Variants in FBXO4 observed in about 807,000 individuals in gnomAD.
FBXO4 encodes F-box protein 4, also known as F-box only protein 4.
FBXO4 carries 36 observed loss-of-function variants against 43.7 expected under a neutral mutation model. The ratio of observed to expected loss-of-function variants is 0.82; its 90% CI spans 0.63 to 1.09. FBXO4 has a LOEUF of 1.09. Ranked by LOEUF, FBXO4 falls within the 50% of genes least tolerant of loss-of-function variation. The pLI is 0.00. For missense variants in FBXO4, 435 were observed against 474.1 expected (o/e 0.92, Z 0.77); for synonymous variants, 180 against 165.6 (o/e 1.09, Z -0.67).
the FBXO4 span, among the ~76,000 whole-genome samples, chr5:41,992,847 T>C: frequency 6.6e-6 from 1 of 152,226 alleles, no homozygotes; most frequent in Non-Finnish European, 1.5e-5. Flanking sequence ...TTATTCTTTC[T>C]ACTGCCAGAT....
chr5:41,989,176 G>C, the FBXO4 span, among the ~76,000 whole-genome samples: 19 of 152,224 alleles, frequency 1.2e-4, no homozygotes, highest in East Asian at 3.7e-3. Context: ...AGAATTTCCA[G>C]TTTGCCTTAG....
chr5:41,931,613 A>C (rs1751689681), intron 3 of FBXO4, among the ~76,000 whole-genome samples: 1 of 152,230 alleles, frequency 6.6e-6, no homozygotes, highest in African/African-American at 2.4e-5. Context: ...CAGGCACATA[A>C]CAGGCACTCT....
chr5:42,005,879 A>G, the FBXO4 span, among the ~76,000 whole-genome samples: 5 of 152,058 alleles, frequency 3.3e-5, no homozygotes, highest in African/African-American at 1.2e-4. Context: ...CTTTAAAAAA[A>G]CCAGTGACCC....
chr5:41,993,560 A>T, the FBXO4 span, among the ~76,000 whole-genome samples: 2 of 151,366 alleles, frequency 1.3e-5, no homozygotes, highest in Non-Finnish European at 2.9e-5. Flanking sequence ...TTCATCCCAT[A>T]TAACTGAAAC....
At chr5:42,033,358 A>G in the FBXO4 span, among the ~76,000 whole-genome samples, 1 of 151,924 alleles carries the variant, frequency 6.6e-6, no homozygotes, top group Non-Finnish European at 1.5e-5. Context: ...CACACAGAAC[A>G]CTGTAGCCCT....
At chr5:41,991,069 G>C in the FBXO4 span, among the ~76,000 whole-genome samples, 1 of 152,156 alleles carries the variant, frequency 6.6e-6, no homozygotes, top group Non-Finnish European at 1.5e-5. Flanking sequence ...ACCATCCTGG[G>C]TGAGTCAACA....
At chr5:41,983,180 C>A in the FBXO4 span, among the ~76,000 whole-genome samples, 2 of 152,052 alleles carry the variant, frequency 1.3e-5, no homozygotes, top group South Asian at 4.1e-4. Context: ...AATAAACATA[C>A]GTGTGCATGT....
the FBXO4 span, among the ~76,000 whole-genome samples, chr5:41,997,764 C>T: frequency 1.3e-5 from 2 of 152,138 alleles, no homozygotes; most frequent in Admixed American, 1.3e-4. Flanking sequence ...TTTCCCTTTC[C>T]CCAGTGTGCA....
At chr5:42,026,792 C>T in the FBXO4 span, among the ~76,000 whole-genome samples, 1 of 151,842 alleles carries the variant, frequency 6.6e-6, no homozygotes, top group Non-Finnish European at 1.5e-5. Context: ...TTTTCACCAT[C>T]ACTTGAAATA....
the FBXO4 span, among the ~76,000 whole-genome samples, chr5:41,989,722 G>T: frequency 6.6e-6 from 1 of 152,074 alleles, no homozygotes; most frequent in Non-Finnish European, 1.5e-5. Context: ...GCTAATTCAA[G>T]AAGTATCATC....
At chr5:42,006,568 A>G in the FBXO4 span, among the ~76,000 whole-genome samples, 11 of 152,004 alleles carry the variant, frequency 7.2e-5, no homozygotes, top group Non-Finnish European at 1.6e-4. Context: ...TACATTTAAA[A>G]AGTCAATTTT....
At chr5:42,018,235 G>GA in the FBXO4 span, among the ~76,000 whole-genome samples, 1 of 150,968 alleles carries the variant, frequency 6.6e-6, no homozygotes, top group Non-Finnish European at 1.5e-5. Context: ...TCTAGGTTGA[G>GA]AAAAAATCAG....
chr5:41,930,691 G>A (rs1438602202), intron 3 of FBXO4, among the ~76,000 whole-genome samples: 1 of 139,422 alleles, frequency 7.2e-6, no homozygotes, highest in East Asian at 2.1e-4. Flanking sequence ...TTTTTGAGAT[G>A]GAGTCTCACT....
At chr5:41,980,484 T>C in the FBXO4 span, among the ~76,000 whole-genome samples, 2 of 152,112 alleles carry the variant, frequency 1.3e-5, no homozygotes. Flanking sequence ...AACATTCTTC[T>C]AAAGGAGGAA....
downstream of FBXO4, among the ~76,000 whole-genome samples, chr5:41,945,762 T>C (rs543267931): frequency 4.6e-5 from 7 of 152,302 alleles, no homozygotes; most frequent in African/African-American, 1.7e-4. Context: ...TAGGCCTCTT[T>C]AGGGTTAAGG....
At chr5:42,031,448 G>C in the FBXO4 span, among the ~76,000 whole-genome samples, 2 of 143,180 alleles carry the variant, frequency 1.4e-5, no homozygotes, top group Non-Finnish European at 3.1e-5. Context: ...ATCACACACC[G>C]GGGACTGTTG....
the FBXO4 span, among the ~76,000 whole-genome samples, chr5:42,022,032 G>T: frequency 3.3e-5 from 5 of 152,064 alleles, no homozygotes; most frequent in African/African-American, 1.2e-4. Context: ...GTTAATTTTG[G>T]AAACACTTTG....
the FBXO4 span, among the ~76,000 whole-genome samples, chr5:42,025,827 T>C: frequency 0.016 from 2,432 of 151,878 alleles, 123 homozygotes; most frequent in East Asian, 0.1. Context: ...GTTCTTGGCA[T>C]CTGGGTTGAA....
the FBXO4 span, among the ~76,000 whole-genome samples, chr5:42,015,970 G>T: frequency 6.6e-6 from 1 of 152,280 alleles, no homozygotes; most frequent in East Asian, 1.9e-4. Flanking sequence ...TGTGCTTAGG[G>T]AGTCAGGGAT....
Sources: allele counts gnomAD v4.1 joint callset (sites outside exome capture counted in the v4.1 genomes callset), GRCh38; gene constraint gnomAD v4.1.1; transcripts MANE v1.5; gene names NCBI Gene and HGNC (gene_info 2026-07-23, HGNC 2026-07-21).